KCNK2: variants seen among roughly 807,000 people sequenced by gnomAD.
KCNK2 encodes potassium two pore domain channel subfamily K member 2, also known as potassium channel subfamily K member 2.
In KCNK2, 21 loss-of-function variants were observed where a neutral mutation model predicts 40.5. The observed-to-expected ratio is 0.52, with a 90% CI of 0.37 to 0.75. The LOEUF (loss-of-function observed/expected upper bound fraction) is 0.75. Ranked by LOEUF, KCNK2 falls within the 30% of genes least tolerant of loss-of-function variation. The pLI, the probability that KCNK2 is intolerant of heterozygous loss-of-function variation, is 0.00. For synonymous variants in KCNK2, 191 were observed against 202.2 expected, an observed-to-expected ratio of 0.94 and a Z score of 0.47; for missense variants, 399 against 531.6, an observed-to-expected ratio of 0.75 and a Z score of 2.45.
intron 6 of KCNK2, among the ~76,000 whole-genome samples, chr1:215,219,595 T>C (rs1312301134): frequency 3.3e-5 from 5 of 152,302 alleles, no homozygotes; most frequent in African/African-American, 9.6e-5. Context: ...CTCATGTTAT[T>C]AACCAGATGA....
chr1:215,115,187 A>G (rs951035531), intron 2 of KCNK2, among the ~76,000 whole-genome samples: 6 of 152,154 alleles, frequency 3.9e-5, no homozygotes, highest in African/African-American at 1.4e-4. Context: ...AATAATTTTC[A>G]TAACCATTTC....
At chr1:215,101,518 T>C (rs534445262) in intron 2 of KCNK2, among the ~76,000 whole-genome samples, 1 of 151,988 alleles carries the variant, frequency 6.6e-6, no homozygotes, top group Admixed American at 6.6e-5. Flanking sequence ...CCATCTCTGG[T>C]GGATCAAGAC....
rs60949001 is a variant in KCNK2, at chr1:215,101,710, A to G, written c.357+15032A>G. ...TCTTGGTCAATGATGGATTGCATAT[A>G]TGACGGTGGTCCAATTAGATTATAA... On this transcript the variant is annotated intron_variant, in intron 2 of 6. Transcript: ENST00000444842. 6.3e-3 allele frequency among the ~76,000 whole-genome samples: 953 copies of G among 152,138 alleles called. 13 individuals are homozygous for G. The highest frequency in any genetic ancestry group is 0.022 in the African/African-American group (906 of 41,550).
Position 215,234,984 on chromosome 1 carries a change from AATCAGG to A in KCNK2, c.1122_1127del (p.Asn374_Glu376delinsLys), listed in dbSNP as rs1666820785. The A allele has an allele frequency of 6.2e-7, 1 of 1,613,918 alleles. No homozygotes were observed. Among genetic ancestry groups the A allele is most frequent in the African/African-American group, 1.3e-5 (1 of 74,894 alleles). ...CTCGGCAGAACTGGCTGGAAACCAC[AATCAGG>A]AGCTGACTCCTTGTAGGAGGACCCT... On this transcript the variant is annotated inframe_deletion, in exon 7 of 7. Coordinates refer to ENST00000444842, the MANE Select transcript of KCNK2 (RefSeq NM_001017425.3).
chr1:215,209,411 A>AT lies in KCNK2; in HGVS notation c.963+14320dup, dbSNP rs1558140005. ...TATATATTATATATAAAATATGCAT[A>AT]TATTATATATAATATATATAATATA... On this transcript the variant is annotated intron_variant, in intron 6 of 6. Coordinates refer to ENST00000444842, the MANE Select transcript of KCNK2 (RefSeq NM_001017425.3). Among the ~76,000 whole-genome samples, 51 of 57,512 alleles carry AT rather than the reference A, an allele frequency of 8.9e-4. No homozygotes were observed. The East Asian group carries it at 0.018, about 21-fold the overall frequency. The allele number at this position is 57,512 out of a possible 152,430, so 37.7% of individuals were successfully genotyped here.
chr1:215,133,528 G>A (rs2102591979), intron 3 of KCNK2, among the ~76,000 whole-genome samples: 1 of 151,982 alleles, frequency 6.6e-6, no homozygotes, highest in East Asian at 1.9e-4. Context: ...ATGTGTCTCG[G>A]GTGTTTTGTT....
chr1:215,194,164 A>T (rs1198203308), intron 5 of KCNK2, among the ~76,000 whole-genome samples: 2 of 152,178 alleles, frequency 1.3e-5, no homozygotes, highest in African/African-American at 2.4e-5. Flanking sequence ...AAATGCCCCC[A>T]TATTAATGGG....
intron 1 of KCNK2, among the ~76,000 whole-genome samples, chr1:215,071,859 A>C (rs754352327): frequency 6.6e-6 from 1 of 152,086 alleles, no homozygotes; most frequent in African/African-American, 2.4e-5. Flanking sequence ...TCCAGCGGGG[A>C]GGGTAAATGT....
At chr1:215,149,615 A>G (rs1205079745) in intron 3 of KCNK2, among the ~76,000 whole-genome samples, 1 of 152,234 alleles carries the variant, frequency 6.6e-6, no homozygotes, top group African/African-American at 2.4e-5. Context: ...GAATTACTAA[A>G]GGGAGGAACA....
intron 2 of KCNK2, among the ~76,000 whole-genome samples, chr1:215,094,916 A>C (rs924449494): frequency 6.6e-6 from 1 of 152,080 alleles, no homozygotes; most frequent in African/African-American, 2.4e-5. Context: ...ATTATTCTGC[A>C]TGTAAATTTT....
chr1:215,103,515 T>A (rs964653908), intron 2 of KCNK2, among the ~76,000 whole-genome samples: 1 of 152,080 alleles, frequency 6.6e-6, no homozygotes, highest in Non-Finnish European at 1.5e-5. Context: ...GCTTCCTATT[T>A]TCTCTCTGGT....
chr1:215,092,901 G>C (rs1659751858), intron 2 of KCNK2, among the ~76,000 whole-genome samples: 2 of 152,124 alleles, frequency 1.3e-5, no homozygotes, highest in African/African-American at 4.8e-5. Flanking sequence ...TTTACCAAGG[G>C]ACAGTGCTGT....
chr1:215,087,515 C>T (rs974236355), intron 2 of KCNK2, among the ~76,000 whole-genome samples: 1 of 152,184 alleles, frequency 6.6e-6, no homozygotes, highest in African/African-American at 2.4e-5. Flanking sequence ...ATTCATTGGT[C>T]AAATCGGGAT....
At chr1:215,052,564 T>C (rs535681127) in intron 1 of KCNK2, among the ~76,000 whole-genome samples, 1 of 152,306 alleles carries the variant, frequency 6.6e-6, no homozygotes, top group South Asian at 2.1e-4. Flanking sequence ...AAATGTATGC[T>C]CACATTTTTT....
intron 1 of KCNK2, among the ~76,000 whole-genome samples, chr1:215,075,730 G>C (rs1658903042): frequency 6.6e-6 from 1 of 152,188 alleles, no homozygotes; most frequent in African/African-American, 2.4e-5. Context: ...TTTCTAGCCA[G>C]CCATGTTGGT....
chr1:215,125,777 T>TATAA (rs1351841467), intron 3 of KCNK2, among the ~76,000 whole-genome samples: 187 of 42,412 alleles, frequency 4.4e-3, no homozygotes, highest in Non-Finnish European at 9.5e-3. Flanking sequence ...TATATATATA[T>TATAA]AAAATAAAAT....
At chr1:215,087,811 C>T (rs977124604) in intron 2 of KCNK2, among the ~76,000 whole-genome samples, 1 of 152,168 alleles carries the variant, frequency 6.6e-6, no homozygotes, top group Admixed American at 6.5e-5. Context: ...TCTCTCATTT[C>T]CTCTTGCCAT....
chr1:215,169,945 C>G (rs1224684358), intron 4 of KCNK2, among the ~76,000 whole-genome samples: 1 of 152,038 alleles, frequency 6.6e-6, no homozygotes, highest in Non-Finnish European at 1.5e-5. Context: ...CGTGCCCAGC[C>G]AGATTTAAAT....
intron 1 of KCNK2, among the ~76,000 whole-genome samples, chr1:215,046,043 A>G (rs1657756153): frequency 6.6e-6 from 1 of 152,190 alleles, no homozygotes; most frequent in Admixed American, 6.5e-5. Flanking sequence ...GTAACCGTGG[A>G]AAAATCTGGT....
Sources: allele counts gnomAD v4.1 joint callset (sites outside exome capture counted in the v4.1 genomes callset), GRCh38; gene constraint gnomAD v4.1.1; transcripts MANE v1.5; gene names NCBI Gene and HGNC (gene_info 2026-07-23, HGNC 2026-07-21).